Variants in PHLDB1 observed in about 807,000 individuals in gnomAD.
PHLDB1 encodes pleckstrin homology-like domain family B member 1.
In PHLDB1, 65 loss-of-function variants were observed where a neutral mutation model predicts 139.3. The ratio of observed to expected loss-of-function variants is 0.47; its 90% CI spans 0.38 to 0.57. The LOEUF (loss-of-function observed/expected upper bound fraction) is 0.57. Ranked by LOEUF, PHLDB1 falls within the 20% of genes least tolerant of loss-of-function variation. The pLI, the probability that PHLDB1 is intolerant of heterozygous loss-of-function variation, is 0.00. For synonymous variants in PHLDB1, 679 were observed against 734.5 expected (o/e 0.92, Z 1.22); for missense variants, 1,624 against 1,839.7 (o/e 0.88, Z 2.14).
chr11:118,641,990 C>T, intron 12 of PHLDB1: 1 of 589,482 alleles, frequency 1.7e-6, no homozygotes. Context: ...TCTCTTTGCC[C>T]TTAGTACATT....
Position 118,635,482 on chromosome 11 carries a change from CGAG to C in PHLDB1, c.2470_2472del (p.Glu824del), listed in dbSNP as rs1945491925. 1.2e-6 allele frequency: 2 copies of C among 1,608,702 alleles called. No homozygotes were observed. The highest frequency in any genetic ancestry group is 2.2e-5 in the South Asian group (2 of 90,222). On this transcript the variant is annotated inframe_deletion, in exon 10 of 23. Transcript: ENST00000600882. The stretch of plus-strand genomic sequence containing the variant: ...GGGAGAGCCGCGTGGAGGAGGAGCG[CGAG>C]CTGGCCGGCCAGGGGCTGCTCCGGA...
intron 12 of PHLDB1, 39 bp downstream of exon 12, chr11:118,639,290 C>T (rs372189908): frequency 9.1e-5 from 137 of 1,511,268 alleles, no homozygotes; most frequent in Non-Finnish European, 1.1e-4. Flanking sequence ...AGGCCCAAGG[C>T]GTGTCCTGGG....
Position 118,650,431 on chromosome 11 carries a change from C to T in PHLDB1, c.3772-14C>T. On this transcript the variant is annotated splice_polypyrimidine_tract_variant and intron_variant, in intron 19 of 22. Coordinates refer to ENST00000600882, the MANE Select transcript of PHLDB1 (RefSeq NM_001144758.3). The surrounding 1 kb of genome is among the most constrained non-coding windows in gnomAD (Gnocchi z 4.7). ...TGCATATTTGGGTCCTTCCTTACTC[C>T]TGCTTCCTACCAGGTCTGCCGTGGC... 1 of 1,590,666 alleles carries T rather than the reference C, an allele frequency of 6.3e-7. No homozygotes were observed. The highest frequency in any genetic ancestry group is 8.6e-7 in the Non-Finnish European group (1 of 1,158,462).
intron 13 of PHLDB1, 162 bp from the exon 14 acceptor site, chr11:118,643,638 G>A (rs1222225527): frequency 1.0e-6 from 1 of 985,318 alleles, no homozygotes; most frequent in African/African-American, 1.7e-5. Flanking sequence ...GCTGCCAATA[G>A]CATCTGGCCA....
At chr11:118,628,695 TCTGCCAGGGCTCGAGCAGGCCAG>T in intron 6 of PHLDB1, 45 bp downstream of exon 6, 1 of 1,555,396 alleles carries the variant, frequency 6.4e-7, no homozygotes, top group Non-Finnish European at 8.7e-7. Context: ...TGGCAGAGTC[TCTGCCAGGGCTCGAGCAGGCCAG>T]CTGGCAGAGC....
intron 12 of PHLDB1, 72 bp downstream of exon 12, chr11:118,639,323 C>G: frequency 9.3e-7 from 1 of 1,071,706 alleles, no homozygotes; most frequent in South Asian, 1.3e-5. Context: ...ACACATGGCA[C>G]TTTCACCCCA....
At chr11:118,655,930 A>G (rs782497521) in intron 22 of PHLDB1, 38 bp downstream of exon 22, 4 of 1,466,740 alleles carry the variant, frequency 2.7e-6, no homozygotes, top group Non-Finnish European at 3.8e-6. Context: ...GCACATTAAC[A>G]CCTCCTGTAC....
chr11:118,657,955 G>A lies in PHLDB1; in HGVS notation c.*1132G>A. 3.7e-6 allele frequency: 1 copy of A among 270,410 alleles called. No homozygotes were observed. The highest frequency in any genetic ancestry group is 7.7e-5 in the South Asian group (1 of 12,912). 16.8% of individuals were successfully genotyped at this position (270,410 alleles called of 1,614,324 possible). A position where few individuals can be genotyped will look rare whatever the true frequency, so the allele number is the denominator to read the frequency against. On this transcript the variant is annotated 3_prime_UTR_variant, in exon 23 of 23. Coordinates refer to ENST00000600882, the MANE Select transcript of PHLDB1 (RefSeq NM_001144758.3). ...CCTTCCCAGCATTGAGCCCTTGGTTGCCTGGGCCCAGGCTGGGGGTTTTCA... is the reference window on the plus strand; with the variant it reads ...CCTTCCCAGCATTGAGCCCTTGGTTACCTGGGCCCAGGCTGGGGGTTTTCA...
intron 4 of PHLDB1, among the ~76,000 whole-genome samples, chr11:118,618,262 C>T (rs1942057247): frequency 1.3e-5 from 2 of 152,110 alleles, no homozygotes; most frequent in African/African-American, 4.8e-5. Context: ...AGCTTGGCAG[C>T]CTGTGGAGGG....
At chr11:118,651,750 G>A (rs1948376534) in intron 20 of PHLDB1, 1 of 150,564 alleles carries the variant, frequency 6.6e-6, no homozygotes, top group Non-Finnish European at 1.5e-5. Flanking sequence ...TCGTGCCACT[G>A]CACTCTAGCC....
rs1591819057 is a variant in PHLDB1, at chr11:118,656,789, C to T, written c.4100C>T (p.Thr1367Ile). Residue 1367 changes from threonine (T) to isoleucine (I), a missense_variant, in exon 23 of 23, where the codon ACA (threonine) becomes ATA (isoleucine). Physicochemically the swap from Thr to Ile is moderately conservative, Grantham distance 89. Coordinates refer to ENST00000600882, the MANE Select transcript of PHLDB1 (RefSeq NM_001144758.3). Reference protein sequence around the residue: ...AMRIWMDVIVTGAEGYTQFMN With the variant: ...AMRIWMDVIVIGAEGYTQFMN ...CGTATCTGGATGGATGTCATTGTCA[C>T]AGGGGCTGAGGGCTACACTCAGTTC... 1 of 1,614,086 alleles carries T rather than the reference C, an allele frequency of 6.2e-7. No homozygotes were observed. The highest frequency in any genetic ancestry group is 8.5e-7 in the Non-Finnish European group (1 of 1,179,932).
At chr11:118,636,220 G>A (rs1945620956) in intron 10 of PHLDB1, among the ~76,000 whole-genome samples, 1 of 152,192 alleles carries the variant, frequency 6.6e-6, no homozygotes, top group Admixed American at 6.5e-5. Context: ...GGCTCAAGCA[G>A]CTTCCACCCT....
chr11:118,639,053 G>A, intron 11 of PHLDB1, 52 bp downstream of exon 11: 1 of 1,563,892 alleles, frequency 6.4e-7, no homozygotes, highest in Non-Finnish European at 8.8e-7. Context: ...AAGTGGGAGG[G>A]GAGTGCAGAA....
intron 17 of PHLDB1, chr11:118,647,021 T>A (rs1555129721): frequency 6.6e-6 from 1 of 152,228 alleles, no homozygotes; most frequent in Non-Finnish European, 1.5e-5. Context: ...TTAAGACATA[T>A]AAAGCATCAC....
intron 1 of PHLDB1, among the ~76,000 whole-genome samples, chr11:118,609,191 A>T (rs1939671015): frequency 7.5e-6 from 1 of 132,506 alleles, no homozygotes; most frequent in African/African-American, 3.0e-5. Context: ...AGCCCAGCTC[A>T]CACACACAGC....
In PHLDB1 at chr11:118,628,526, G is replaced by C. The variant is rs1002540842; in HGVS notation, c.1703G>C (p.Arg568Pro). Reference protein sequence around the residue: ...VQRKLSSGDLRVPVTRERKNS... With the variant: ...VQRKLSSGDLPVPVTRERKNS... ...AGGAAGCTCTCCAGCGGGGACTTGCGGGTGCCTGTCACAAGGGAGCGGAAA... is the reference window on the plus strand; with the variant it reads ...AGGAAGCTCTCCAGCGGGGACTTGCCGGTGCCTGTCACAAGGGAGCGGAAA... Residue 568 changes from arginine to proline, a missense_variant, in exon 6 of 23, where the codon CGG (arginine) becomes CCG (proline). Transcript: ENST00000600882. The C allele has an allele frequency of 6.2e-7, 1 of 1,613,238 alleles. No individual in the cohort carries two copies. The highest frequency in any genetic ancestry group is 1.3e-5 in the African/African-American group (1 of 75,082).
intron 15 of PHLDB1, chr11:118,644,917 T>C (rs544886580): frequency 2.1e-4 from 56 of 272,614 alleles, no homozygotes; most frequent in South Asian, 1.8e-3. Context: ...CTTTTGCTTC[T>C]GCATTGCAGG....
Position 118,628,198 on chromosome 11 carries a change from C to A in PHLDB1, c.1375C>A (p.Pro459Thr). ...CCTGGACAGTATGCGAGAACTACCC[C>A]CCTTAAGTCCATCTCTGTCCCGGCG... ...RGLDSMRELP[P>T]LSPSLSRRAL... Residue 459 changes from proline (P) to threonine (T), a missense_variant, in exon 6 of 23, where the codon CCC becomes ACC. Coordinates refer to ENST00000600882, the MANE Select transcript of PHLDB1 (RefSeq NM_001144758.3). 6.2e-7 allele frequency: 1 copy of A among 1,614,098 alleles called. No individual in the cohort carries two copies. Among genetic ancestry groups the A allele is most frequent in the Non-Finnish European group, 8.5e-7 (1 of 1,179,982 alleles).
chr11:118,632,380 C>T lies in PHLDB1; in HGVS notation c.2379+84C>T. 2.2e-6 allele frequency: 3 copies of T among 1,352,324 alleles called. No individual in the cohort carries two copies. The highest frequency in any genetic ancestry group is 1.2e-5 in the South Asian group (1 of 80,238). 83.8% of individuals were successfully genotyped at this position (1,352,324 alleles called of 1,614,324 possible). A position where few individuals can be genotyped will look rare whatever the true frequency, so the allele number is the denominator to read the frequency against. On this transcript the variant is annotated intron_variant, in intron 9 of 22. Coordinates refer to ENST00000600882, the MANE Select transcript of PHLDB1 (RefSeq NM_001144758.3). This position sits in a 1 kb window ranked among gnomAD's most constrained non-coding sequence, Gnocchi z 5.9. Reference sequence around the variant, plus strand: ...AATGTCTTCTCTGGGGCCCTGTACCCTTCACCTCATCATCCATTCTGCAGT... The same window carrying T: ...AATGTCTTCTCTGGGGCCCTGTACCTTTCACCTCATCATCCATTCTGCAGT...
Sources: gnomAD v4.1 joint callset for allele counts (sites outside exome capture counted in the v4.1 genomes callset) on GRCh38, gnomAD v4.1.1 for gene constraint, Gnocchi (gnomAD v3.1) non-coding constraint, MANE v1.5 for transcripts, NCBI Gene and HGNC (gene_info 2026-07-23, HGNC 2026-07-21) for gene names.